The following PUM1 variants were observed in gnomAD, a reference collection of about 807,000 sequenced individuals.
PUM1 encodes the protein pumilio homolog 1.
In PUM1, 13 loss-of-function variants were observed where a neutral mutation model predicts 131.8. The observed-to-expected ratio is 0.10, with a 90% CI of 0.06 to 0.16. PUM1 has a LOEUF of 0.16. Ranked by LOEUF, PUM1 falls within the 10% of genes least tolerant of loss-of-function variation. The pLI is 1.00. For synonymous variants in PUM1, 509 were observed against 556.5 expected (o/e 0.91, Z 1.20); for missense variants, 961 against 1,512.4 (o/e 0.64, Z 6.05).
Position 31,053,080 on chromosome 1 carries a change from T to G in PUM1, c.363+6124A>C, listed in dbSNP as rs1644151432. 2.7e-5 allele frequency among the ~76,000 whole-genome samples: 4 copies of G among 150,938 alleles called. No homozygotes were observed. In the South Asian group the frequency reaches 8.4e-4, roughly 32 times the overall value. On this transcript the variant is annotated intron_variant, in intron 2 of 21. Transcript: ENST00000426105. ...CAGGCTGGAATGCAGTGGCGGGATCTCGGCTCACTGCAACCTCTGCCCCCG... is the reference window on the plus strand; with the variant it reads ...CAGGCTGGAATGCAGTGGCGGGATCGCGGCTCACTGCAACCTCTGCCCCCG...
intron 10 of PUM1, among the ~76,000 whole-genome samples, chr1:30,971,261 A>G (rs948659584): frequency 6.6e-6 from 1 of 152,242 alleles, no homozygotes; most frequent in Admixed American, 6.5e-5. Flanking sequence ...CAAAGTTTAA[A>G]AAGAACCTCT....
intron 1 of PUM1, among the ~76,000 whole-genome samples, chr1:31,062,198 T>C (rs1362207420): frequency 6.6e-6 from 1 of 152,210 alleles, no homozygotes; most frequent in East Asian, 1.9e-4. Flanking sequence ...CTCATTTGTA[T>C]CCTCTACTCC....
intron 1 of PUM1, among the ~76,000 whole-genome samples, chr1:31,065,159 T>C (rs1644456064): frequency 6.6e-6 from 1 of 152,130 alleles, no homozygotes; most frequent in Non-Finnish European, 1.5e-5. Flanking sequence ...CGATTTATTG[T>C]TCCTCCTCCT....
In PUM1 at chr1:30,981,330, C is replaced by T; in HGVS notation, c.1234G>A (p.Ala412Thr). The T allele has an allele frequency of 1.3e-6, 2 of 1,597,534 alleles. No individual in the cohort carries two copies. Among genetic ancestry groups the T allele is most frequent in the African/African-American group, 1.3e-5 (1 of 74,748 alleles). ...AQQQQYALAA[A>T]HQPHIGLAPA... Reference sequence around the variant, plus strand: ...GACTTACCGATGTGCGGCTGATGAGCAGCTGCCAGTGCATACTGCTGCTGC... The same window carrying T: ...GACTTACCGATGTGCGGCTGATGAGTAGCTGCCAGTGCATACTGCTGCTGC... The change falls in exon 8 of 22, where the codon GCT becomes ACT. Residue 412 changes from alanine (A) to threonine (T), a missense_variant. Physicochemically the swap from Ala to Thr is moderately conservative, Grantham distance 58. Transcript: ENST00000426105.
intron 3 of PUM1, among the ~76,000 whole-genome samples, chr1:31,022,996 C>A (rs953636816): frequency 6.6e-6 from 1 of 151,942 alleles, no homozygotes; most frequent in Non-Finnish European, 1.5e-5. Flanking sequence ...TAGTGAAACC[C>A]TGTCTCTATT....
chr1:30,940,470 T>C (rs1639400574), intron 20 of PUM1, among the ~76,000 whole-genome samples: 1 of 152,234 alleles, frequency 6.6e-6, no homozygotes. Flanking sequence ...AGCGTGACCC[T>C]GTCTCAAAAA....
intron 3 of PUM1, among the ~76,000 whole-genome samples, chr1:31,026,041 C>G (rs1475646443): frequency 6.6e-5 from 10 of 152,068 alleles, no homozygotes; most frequent in Non-Finnish European, 2.9e-5. Flanking sequence ...TGCCTGAGCT[C>G]AGAAGTTCAA....
intron 2 of PUM1, among the ~76,000 whole-genome samples, chr1:31,041,690 T>C (rs1643820369): frequency 1.3e-5 from 2 of 152,152 alleles, no homozygotes; most frequent in Admixed American, 1.3e-4. Flanking sequence ...GTGACACATG[T>C]GCTCCCACTG....
chr1:30,934,615 C>A (rs370944059), intron 21 of PUM1, among the ~76,000 whole-genome samples: 1 of 152,162 alleles, frequency 6.6e-6, no homozygotes, highest in African/African-American at 2.4e-5. Context: ...TGTAAAACGG[C>A]GTATGCAATA....
intron 5 of PUM1, among the ~76,000 whole-genome samples, chr1:31,003,335 A>G (rs1245809146): frequency 6.6e-6 from 1 of 152,242 alleles, no homozygotes; most frequent in Non-Finnish European, 1.5e-5. Context: ...AGATGTATGC[A>G]TACTATGACA....
intron 3 of PUM1, among the ~76,000 whole-genome samples, chr1:31,007,844 G>T (rs1642448388): frequency 6.6e-6 from 1 of 152,168 alleles, no homozygotes; most frequent in Non-Finnish European, 1.5e-5. Flanking sequence ...ACAAAAAAAT[G>T]CAAAGTACCC....
intron 2 of PUM1, among the ~76,000 whole-genome samples, chr1:31,048,266 A>AT (rs1644017546): frequency 6.6e-6 from 1 of 151,674 alleles, no homozygotes. Flanking sequence ...AAAATAAAAA[A>AT]TAAAAAAAAG....
intron 2 of PUM1, among the ~76,000 whole-genome samples, chr1:31,047,963 G>A (rs1459752610): frequency 6.6e-6 from 1 of 151,214 alleles, no homozygotes; most frequent in Non-Finnish European, 1.5e-5. Flanking sequence ...TTAAAAGGCC[G>A]GACACAGTGG....
chr1:30,995,453 T>C (rs1407523026), intron 5 of PUM1, among the ~76,000 whole-genome samples: 3 of 151,916 alleles, frequency 2.0e-5, no homozygotes, highest in Admixed American at 2.0e-4. Flanking sequence ...AGTCTTACTA[T>C]ATCCAATGTC....
chr1:30,959,247 G>A (rs912689020), intron 14 of PUM1, among the ~76,000 whole-genome samples: 8 of 152,124 alleles, frequency 5.3e-5, no homozygotes, highest in African/African-American at 1.4e-4. Flanking sequence ...AACAGAGAGG[G>A]ATGGTACACT....
intron 5 of PUM1, among the ~76,000 whole-genome samples, chr1:31,002,666 CAAAAG>C (rs949472885): frequency 6.6e-6 from 1 of 152,050 alleles, no homozygotes; most frequent in African/African-American, 2.4e-5. Context: ...ATAAAGGATA[CAAAAG>C]AAAAGAAAAA....
chr1:30,986,186 C>T (rs1641551647), intron 7 of PUM1, among the ~76,000 whole-genome samples: 1 of 152,128 alleles, frequency 6.6e-6, no homozygotes, highest in South Asian at 2.1e-4. Flanking sequence ...AACTCCTGAC[C>T]TTGGGTGTCC....
At position 30,933,138 on chromosome 1, in the gene PUM1, TC is replaced by T. The variant is rs1639024862; in HGVS notation, c.*72del. The T allele has an allele frequency of 1.9e-5, 29 of 1,534,136 alleles. No homozygotes were observed. The highest frequency in any genetic ancestry group is 2.4e-5 in the Non-Finnish European group (27 of 1,135,496). Reference sequence around the variant, plus strand: ...GTCTCAGACTCTACACTAGAACATTTCTGGTTGCTGGTTGGATTTGCCAGTG... The same window carrying T: ...GTCTCAGACTCTACACTAGAACATTTTGGTTGCTGGTTGGATTTGCCAGTG... On this transcript the variant is annotated 3_prime_UTR_variant, in exon 22 of 22. Coordinates refer to ENST00000426105, the MANE Select transcript of PUM1 (RefSeq NM_001020658.2).
intron 6 of PUM1, among the ~76,000 whole-genome samples, chr1:30,992,924 G>C (rs888364533): frequency 3.4e-4 from 51 of 152,226 alleles, no homozygotes; most frequent in African/African-American, 1.1e-3. Context: ...AAGGGGGCCG[G>C]GTTTGAGGAA....
Sources: gnomAD v4.1 joint callset for allele counts (sites outside exome capture counted in the v4.1 genomes callset) on GRCh38, gnomAD v4.1.1 for gene constraint, MANE v1.5 for transcripts, NCBI Gene and HGNC (gene_info 2026-07-23, HGNC 2026-07-21) for gene names.